ARRB1: variants seen among roughly 807,000 people sequenced by gnomAD.
ARRB1 encodes the protein arrestin beta 1, also known as beta-arrestin-1.
Under a neutral mutation model 56.8 loss-of-function variants are expected in ARRB1, and 21 were observed. The ratio of observed to expected loss-of-function variants is 0.37; its 90% CI spans 0.26 to 0.53. ARRB1 has a LOEUF of 0.53. Among genes scored for constraint, ARRB1 ranks in the 20% least tolerant of loss-of-function variants. The probability of loss-of-function intolerance (pLI) is 0.88; values close to 1 mark genes in which losing one functional copy is unlikely to be tolerated. For missense variants in ARRB1, 424 were observed against 553.7 expected (o/e 0.77, Z 2.35); for synonymous variants, 210 against 218.6 (o/e 0.96, Z 0.35).
intron 13 of ARRB1, chr11:75,271,486 C>G: frequency 1.9e-6 from 1 of 515,960 alleles, no homozygotes; most frequent in Non-Finnish European, 3.4e-6. Context: ...AGGCTTTGCT[C>G]TCTGTAAAGA....
At chr11:75,280,593 C>T (rs890824940) in intron 7 of ARRB1, among the ~76,000 whole-genome samples, 3 of 152,320 alleles carry the variant, frequency 2.0e-5, no homozygotes, top group Middle Eastern at 3.4e-3. Context: ...TAGATGTGGG[C>T]CGACCTCCCT....
At chr11:75,271,105 G>A (rs1040374037) in intron 13 of ARRB1, 8 of 152,138 alleles carry the variant, frequency 5.3e-5, no homozygotes, top group African/African-American at 1.9e-4. Context: ...ACGCAAGCCT[G>A]GGTTGAGGAA....
At chr11:75,272,833 T>C (rs780178571) in intron 12 of ARRB1, 62 bp downstream of exon 12, 32 of 1,544,930 alleles carry the variant, frequency 2.1e-5, no homozygotes, top group Admixed American at 1.2e-4. Flanking sequence ...GGCAGGGGCC[T>C]GTGGGCACCT....
chr11:75,306,789 G>A, intron 1 of ARRB1: 1 of 739,238 alleles, frequency 1.4e-6, no homozygotes, highest in Non-Finnish European at 1.9e-6. Context: ...CCTCCTCCGG[G>A]CTTCTCGGGC....
chr11:75,275,907 G>T (rs982314167), intron 10 of ARRB1, among the ~76,000 whole-genome samples: 3 of 152,180 alleles, frequency 2.0e-5, no homozygotes, highest in South Asian at 4.1e-4. Context: ...ACTCTTTAGG[G>T]ATTATATGTT....
Position 75,319,644 on chromosome 11 carries a change from T to C in ARRB1, c.21-29605A>G, listed in dbSNP as rs376785972. Among the ~76,000 whole-genome samples, 371 of 152,250 alleles carry C rather than the reference T, an allele frequency of 2.4e-3. 3 individuals are homozygous for C. Among genetic ancestry groups the C allele is most frequent in the African/African-American group, 8.4e-3 (351 of 41,558 alleles). ...TCACTGCACAAAAATTTAATAAGCA[T>C]CTGCCCTGCCCCAGGCACAGTGCAA... On this transcript the variant is annotated intron_variant, in intron 1 of 15. Coordinates refer to ENST00000420843, the MANE Select transcript of ARRB1 (RefSeq NM_004041.5).
intron 1 of ARRB1, among the ~76,000 whole-genome samples, chr11:75,320,190 A>T (rs1947324445): frequency 6.6e-6 from 1 of 152,144 alleles, no homozygotes; most frequent in African/African-American, 2.4e-5. Context: ...TGAAGAGGGC[A>T]TTAAGGGTGC....
chr11:75,306,431 AT>A (rs1947031650), intron 1 of ARRB1: 1 of 505,648 alleles, frequency 2.0e-6, no homozygotes, highest in Non-Finnish European at 3.7e-6. Context: ...ATCCCCACCT[AT>A]GCCAGAGGCT....
intron 3 of ARRB1, 179 bp from the exon 4 acceptor site, chr11:75,284,458 C>A: frequency 1.9e-6 from 1 of 526,418 alleles, no homozygotes. Flanking sequence ...TCCACCCTTC[C>A]CCCATCCCAG....
intron 1 of ARRB1, among the ~76,000 whole-genome samples, chr11:75,339,147 C>T (rs911507200): frequency 6.6e-6 from 1 of 152,244 alleles, no homozygotes; most frequent in Non-Finnish European, 1.5e-5. Context: ...GGAGCTGTTT[C>T]TCCTAAGACA....
intron 7 of ARRB1, among the ~76,000 whole-genome samples, chr11:75,280,179 A>G (rs1254850677): frequency 6.6e-6 from 1 of 152,138 alleles, no homozygotes; most frequent in Non-Finnish European, 1.5e-5. Context: ...TGTGCTTACC[A>G]AGCCTCCTCC....
chr11:75,330,777 A>G (rs1018701339), intron 1 of ARRB1, among the ~76,000 whole-genome samples: 7 of 152,188 alleles, frequency 4.6e-5, no homozygotes, highest in Non-Finnish European at 1.0e-4. Context: ...TATATGGTAC[A>G]GCTATTTTCC....
chr11:75,328,809 C>G (rs1038014326), intron 1 of ARRB1, among the ~76,000 whole-genome samples: 1 of 152,238 alleles, frequency 6.6e-6, no homozygotes, highest in Non-Finnish European at 1.5e-5. Context: ...TGCGTATAGA[C>G]AGGAGTGCCC....
intron 1 of ARRB1, among the ~76,000 whole-genome samples, chr11:75,335,341 T>C (rs1947586337): frequency 6.6e-6 from 1 of 152,086 alleles, no homozygotes; most frequent in Non-Finnish European, 1.5e-5. Context: ...TCCCAGCACT[T>C]TGGGAGGCTG....
intron 1 of ARRB1, among the ~76,000 whole-genome samples, chr11:75,309,797 C>A (rs1030442526): frequency 6.6e-6 from 1 of 152,142 alleles, no homozygotes; most frequent in African/African-American, 2.4e-5. Flanking sequence ...ACAGGCCTTG[C>A]AGATAAGGTG....
At chr11:75,313,040 T>C (rs959791993) in intron 1 of ARRB1, among the ~76,000 whole-genome samples, 1 of 152,184 alleles carries the variant, frequency 6.6e-6, no homozygotes, top group African/African-American at 2.4e-5. Flanking sequence ...ACCAGGAAAC[T>C]GAGGCTCACA....
chr11:75,330,644 T>A (rs1947506897), intron 1 of ARRB1, among the ~76,000 whole-genome samples: 1 of 152,194 alleles, frequency 6.6e-6, no homozygotes, highest in Non-Finnish European at 1.5e-5. Context: ...TTCTCCCCAG[T>A]CTTCCTCTAA....
chr11:75,339,696 T>C (rs1407444879), intron 1 of ARRB1, among the ~76,000 whole-genome samples: 1 of 152,214 alleles, frequency 6.6e-6, no homozygotes, highest in African/African-American at 2.4e-5. Context: ...TTCTGGCAGC[T>C]GTTGAGATCA....
chr11:75,338,834 G>A (rs372665208), intron 1 of ARRB1, among the ~76,000 whole-genome samples: 82 of 152,228 alleles, frequency 5.4e-4, no homozygotes, highest in African/African-American at 1.9e-3. Flanking sequence ...GTTTTAAAAC[G>A]TCTGTAGGTT....
Sources: allele counts gnomAD v4.1 joint callset (sites outside exome capture counted in the v4.1 genomes callset), GRCh38; gene constraint gnomAD v4.1.1; transcripts MANE v1.5; gene names NCBI Gene and HGNC (gene_info 2026-07-23, HGNC 2026-07-21).